VPS13A: variants seen among roughly 807,000 people sequenced by gnomAD.
VPS13A encodes the protein vacuolar protein sorting 13 homolog A, also known as intermembrane lipid transfer protein VPS13A.
VPS13A carries 264 observed loss-of-function variants against 390.9 expected under a neutral mutation model. That is an observed-to-expected ratio of 0.68 (90% CI 0.61 to 0.75). The LOEUF (loss-of-function observed/expected upper bound fraction) is 0.75. VPS13A is among the 30% of genes least tolerant of loss of function. The pLI is 0.00. For synonymous variants in VPS13A, 1,231 were observed against 1,227.1 expected (o/e 1.00, Z -0.07); for missense variants, 3,409 against 3,733.9 (o/e 0.91, Z 2.27).
At chr9:77,321,072 A>C (rs979839889) in intron 42 of VPS13A, 97 bp from the exon 43 acceptor site, 93 of 1,151,832 alleles carry the variant, frequency 8.1e-5, no homozygotes, top group Non-Finnish European at 1.2e-4. Flanking sequence ...TAGAAAAGAT[A>C]AAATGTACTG....
intron 35 of VPS13A, among the ~76,000 whole-genome samples, chr9:77,308,780 T>C (rs190422836): frequency 6.6e-6 from 1 of 152,274 alleles, no homozygotes; most frequent in East Asian, 1.9e-4. Context: ...TCCTCAGACC[T>C]ACCTACCTCA....
intron 1 of VPS13A, among the ~76,000 whole-genome samples, chr9:77,181,503 G>A (rs376202061): frequency 6.2e-4 from 81 of 131,414 alleles, no homozygotes; most frequent in African/African-American, 2.0e-3. Flanking sequence ...CCAACAGAGC[G>A]AGACCCTGCC....
intron 45 of VPS13A, 69 bp from the exon 46 acceptor site, chr9:77,331,940 CA>C: frequency 9.9e-7 from 1 of 1,009,212 alleles, no homozygotes; most frequent in Non-Finnish European, 1.6e-6. Context: ...GTTACATGGA[CA>C]TATTTTTTTT....
At position 77,303,042 on chromosome 9, in the gene VPS13A, G is replaced by T. The variant is rs1345742671; in HGVS notation, c.3940G>T (p.Ala1314Ser). The change falls in exon 34 of 72, where the codon GCT becomes TCT. Residue 1314 changes from alanine to serine, a missense_variant. By Grantham distance (99) the Ala-to-Ser change is moderately conservative. This residue lies in a region of VPS13A where 2,717 missense variants were observed against 2,917.4 expected (regional missense o/e 0.93). Coordinates refer to ENST00000360280, the MANE Select transcript of VPS13A (RefSeq NM_033305.3). ...GGAAGTTCCTTGTTTTAATGTAAAT[G>T]CTCAGCTGAAACCAATGGAGGTAAC... ...YQEVPCFNVN[A>S]QLKPMEFILS... The T allele has an allele frequency of 6.2e-7, 1 of 1,613,814 alleles. No homozygotes were observed. Among genetic ancestry groups the T allele is most frequent in the Non-Finnish European group, 8.5e-7 (1 of 1,179,956 alleles).
chr9:77,318,347 A>C lies in VPS13A; in HGVS notation c.5069A>C (p.Lys1690Thr). The change falls in exon 41 of 72, where the codon AAG becomes ACG. Residue 1690 changes from lysine to threonine, a missense_variant. This residue lies in a region of VPS13A where 2,717 missense variants were observed against 2,917.4 expected (regional missense o/e 0.93). Transcript: ENST00000360280. Reference protein sequence around the residue: ...ASSTAHLWEKKDTKTLKMWFL... With the variant: ...ASSTAHLWEKTDTKTLKMWFL... The stretch of plus-strand genomic sequence containing the variant: ...TCTACTGCACATTTATGGGAAAAGA[A>C]GGATACAAAGACTTTAAAAATGTGG... 1 of 1,613,522 alleles carries C rather than the reference A, an allele frequency of 6.2e-7. No homozygotes were observed. Among genetic ancestry groups the C allele is most frequent in the Non-Finnish European group, 8.5e-7 (1 of 1,179,842 alleles).
intron 62 of VPS13A, among the ~76,000 whole-genome samples, chr9:77,368,790 CATATT>C (rs1226745362): frequency 2.0e-5 from 3 of 152,152 alleles, no homozygotes; most frequent in Non-Finnish European, 4.4e-5. Flanking sequence ...AATATAATGT[CATATT>C]ATTTTTAATA....
intron 17 of VPS13A, among the ~76,000 whole-genome samples, chr9:77,237,265 A>C (rs1194530080): frequency 6.6e-6 from 1 of 152,072 alleles, no homozygotes; most frequent in Non-Finnish European, 1.5e-5. Flanking sequence ...AATTTTCACC[A>C]GTTCTTTCCC....
intron 29 of VPS13A, among the ~76,000 whole-genome samples, chr9:77,282,702 G>A (rs542891754): frequency 2.6e-5 from 4 of 152,070 alleles, no homozygotes; most frequent in Admixed American, 6.5e-5. Context: ...GGAGGTGAGC[G>A]CTGTGGGGAT....
At chr9:77,259,396 G>A (rs1458474930) in intron 22 of VPS13A, among the ~76,000 whole-genome samples, 5 of 152,056 alleles carry the variant, frequency 3.3e-5, no homozygotes, top group Non-Finnish European at 5.9e-5. Context: ...TTAAGGTATT[G>A]GAAATAAAAG....
intron 45 of VPS13A, among the ~76,000 whole-genome samples, chr9:77,327,887 A>G (rs1441667510): frequency 6.6e-6 from 1 of 152,040 alleles, no homozygotes; most frequent in Non-Finnish European, 1.5e-5. Flanking sequence ...GTTAATTTTG[A>G]TATTTTGACC....
In VPS13A at chr9:77,366,852, T is replaced by C; in HGVS notation, c.8451T>C (p.Asp2817=). 6.2e-7 allele frequency: 1 copy of C among 1,613,054 alleles called. No individual in the cohort carries two copies. The highest frequency in any genetic ancestry group is 8.5e-7 in the Non-Finnish European group (1 of 1,179,424). The part of the protein sequence containing the change: ...LLKSIGATLT[D]VQDVVFKLAF... ...AGAGTATTGGTGCCACACTGACAGA[T>C]GTACAAGATGTAGTTTTTAAGTATG... Residue 2817 remains aspartate (D), a synonymous_variant, in exon 61 of 72, where the codon GAT becomes GAC. Transcript: ENST00000360280.
At position 77,359,246 on chromosome 9, in the gene VPS13A, A is replaced by G. The variant is rs915477908; in HGVS notation, c.8036-87A>G. On this transcript the variant is annotated intron_variant, in intron 57 of 71. Coordinates refer to ENST00000360280, the MANE Select transcript of VPS13A (RefSeq NM_033305.3). ...ATATTTATTATTTAGTAAATGATTTAATTTTCCATTGTGGTGTATATTGGA... is the reference window on the plus strand; with the variant it reads ...ATATTTATTATTTAGTAAATGATTTGATTTTCCATTGTGGTGTATATTGGA... The G allele has an allele frequency of 1.9e-5, 20 of 1,063,754 alleles. No individual in the cohort carries two copies. In the African/African-American group the frequency reaches 2.9e-4, roughly 15 times the overall value. 65.9% of individuals were successfully genotyped at this position (1,063,754 alleles called of 1,614,324 possible).
At chr9:77,210,160 C>CCTCT (rs150244384) in intron 6 of VPS13A, among the ~76,000 whole-genome samples, 38,998 of 107,344 alleles carry the variant, frequency 0.36, 7,488 homozygotes, top group East Asian at 0.55. Context: ...CCCCCACCTC[C>CCTCT]CTCTCTCTCT....
intron 22 of VPS13A, among the ~76,000 whole-genome samples, chr9:77,253,240 C>T (rs181700465): frequency 6.6e-6 from 1 of 152,202 alleles, no homozygotes; most frequent in Non-Finnish European, 1.5e-5. Context: ...TGTTTGTTGA[C>T]CATTCATGTA....
At chr9:77,361,205 C>T (rs956145696) in intron 59 of VPS13A, among the ~76,000 whole-genome samples, 3 of 152,016 alleles carry the variant, frequency 2.0e-5, no homozygotes, top group Non-Finnish European at 4.4e-5. Flanking sequence ...CAAAGTTGTA[C>T]AATCATCATC....
chr9:77,210,697 C>T, intron 7 of VPS13A, 22 bp downstream of exon 7: 1 of 1,609,150 alleles, frequency 6.2e-7, no homozygotes, highest in Non-Finnish European at 8.5e-7. Context: ...ATAAAAGAAT[C>T]TTAACCATAT....
chr9:77,413,976 G>C (rs948925720), intron 71 of VPS13A, among the ~76,000 whole-genome samples: 2 of 152,138 alleles, frequency 1.3e-5, no homozygotes, highest in African/African-American at 4.8e-5. Context: ...GCAGCCAGAA[G>C]ACACATGAAA....
rs1479762055 is a variant in VPS13A, at chr9:77,370,252, T to C, written c.8668-5T>C. ...CACTCATTTATTTACTATTTGGCCCTTTAGGGAGCCATCCAGGGTCCTGAA... is the reference window on the plus strand; with the variant it reads ...CACTCATTTATTTACTATTTGGCCCCTTAGGGAGCCATCCAGGGTCCTGAA... On this transcript the variant is annotated splice_polypyrimidine_tract_variant and splice_region_variant and intron_variant, in intron 63 of 71. Coordinates refer to ENST00000360280, the MANE Select transcript of VPS13A (RefSeq NM_033305.3). 1 of 1,614,072 alleles carries C rather than the reference T, an allele frequency of 6.2e-7. No individual in the cohort carries two copies. Among genetic ancestry groups the C allele is most frequent in the Admixed American group, 1.7e-5 (1 of 60,012 alleles).
intron 1 of VPS13A, among the ~76,000 whole-genome samples, chr9:77,196,054 C>T (rs1414208515): frequency 3.3e-5 from 5 of 151,712 alleles, no homozygotes; most frequent in Admixed American, 3.3e-4. Flanking sequence ...CTTTTTGACC[C>T]GTTTCTTATT....
Sources: gnomAD v4.1 joint callset for allele counts (sites outside exome capture counted in the v4.1 genomes callset) on GRCh38, gnomAD v4.1.1 for gene constraint, gnomAD v4.1.1 regional missense constraint, MANE v1.5 for transcripts, NCBI Gene and HGNC (gene_info 2026-07-23, HGNC 2026-07-21) for gene names.